ROBO1: variants seen among roughly 807,000 people sequenced by gnomAD.
ROBO1 encodes the protein roundabout homolog 1.
A neutral mutation model predicts 195.9 loss-of-function variants in ROBO1; 149 were observed. That is an observed-to-expected ratio of 0.76 (90% CI 0.67 to 0.87). ROBO1 has a LOEUF of 0.87. Ranked by LOEUF, ROBO1 falls within the 40% of genes least tolerant of loss-of-function variation. The pLI, the probability that ROBO1 is intolerant of heterozygous loss-of-function variation, is 0.00. For missense variants in ROBO1, 1,933 were observed against 2,068.3 expected (o/e 0.93, Z 1.27); for synonymous variants, 816 against 733.2 (o/e 1.11, Z -1.82).
chr3:79,410,257 C>T (rs1559878732), intron 2 of ROBO1, among the ~76,000 whole-genome samples: 1 of 152,044 alleles, frequency 6.6e-6, no homozygotes, highest in Non-Finnish European at 1.5e-5. Context: ...TATAGACTTT[C>T]AGGCAAAACA....
At chr3:79,284,617 C>T (rs2031767292) in intron 2 of ROBO1, among the ~76,000 whole-genome samples, 1 of 152,016 alleles carries the variant, frequency 6.6e-6, no homozygotes, top group Admixed American at 6.6e-5. Flanking sequence ...AATGATTATT[C>T]TGAAAAGGAG....
At chr3:78,993,596 G>A (rs1280280151) in intron 3 of ROBO1, among the ~76,000 whole-genome samples, 2 of 152,112 alleles carry the variant, frequency 1.3e-5, no homozygotes, top group Non-Finnish European at 2.9e-5. Flanking sequence ...TTGCATTTCC[G>A]CCATGACCTC....
At chr3:79,377,768 T>C (rs992814537) in intron 2 of ROBO1, among the ~76,000 whole-genome samples, 6 of 152,204 alleles carry the variant, frequency 3.9e-5, no homozygotes, top group Admixed American at 2.0e-4. Context: ...GCTCATGTTT[T>C]GTGCATTCCA....
At chr3:78,601,471 T>TGAC (rs1263499814) in intron 29 of ROBO1, among the ~76,000 whole-genome samples, 1 of 152,190 alleles carries the variant, frequency 6.6e-6, no homozygotes, top group African/African-American at 2.4e-5. Flanking sequence ...TCCATGAGGA[T>TGAC]GACTGTTTCT....
At chr3:78,677,442 A>C (rs1399998520) in intron 10 of ROBO1, among the ~76,000 whole-genome samples, 1 of 152,160 alleles carries the variant, frequency 6.6e-6, no homozygotes, top group African/African-American at 2.4e-5. Flanking sequence ...TCACATGCAG[A>C]GACACACACA....
At chr3:79,024,915 C>G (rs1419324198) in intron 3 of ROBO1, among the ~76,000 whole-genome samples, 1 of 152,134 alleles carries the variant, frequency 6.6e-6, no homozygotes, top group African/African-American at 2.4e-5. Flanking sequence ...CTTCATAGAG[C>G]AGTCAGAGGG....
intron 1 of ROBO1, among the ~76,000 whole-genome samples, chr3:79,672,566 T>G (rs984552859): frequency 6.6e-6 from 1 of 152,090 alleles, no homozygotes; most frequent in Non-Finnish European, 1.5e-5. Flanking sequence ...ACTCTTATTT[T>G]TTAGTTAGAA....
intron 2 of ROBO1, among the ~76,000 whole-genome samples, chr3:79,356,679 A>G (rs547935771): frequency 1.3e-5 from 2 of 152,198 alleles, no homozygotes; most frequent in African/African-American, 4.8e-5. Context: ...CCTTTTATTT[A>G]TGTCATTGAA....
At chr3:79,579,254 A>C (rs1943586017) in intron 2 of ROBO1, among the ~76,000 whole-genome samples, 1 of 152,168 alleles carries the variant, frequency 6.6e-6, no homozygotes, top group African/African-American at 2.4e-5. Flanking sequence ...GTATAATTGA[A>C]AATTGTCGGT....
At chr3:78,678,500 C>A (rs1708580748) in intron 10 of ROBO1, among the ~76,000 whole-genome samples, 1 of 152,134 alleles carries the variant, frequency 6.6e-6, no homozygotes, top group African/African-American at 2.4e-5. Flanking sequence ...GATATCACCA[C>A]CAATCCCACA....
At chr3:79,159,181 A>G (rs1225421891) in intron 2 of ROBO1, among the ~76,000 whole-genome samples, 1 of 151,970 alleles carries the variant, frequency 6.6e-6, no homozygotes, top group Non-Finnish European at 1.5e-5. Flanking sequence ...TTAGTAAGTG[A>G]TTTGGCCTCT....
chr3:78,874,118 T>C (rs1437068592), intron 4 of ROBO1, among the ~76,000 whole-genome samples: 2 of 151,914 alleles, frequency 1.3e-5, no homozygotes, highest in African/African-American at 2.4e-5. Context: ...AACAATATAT[T>C]GAATCAGATT....
chr3:78,789,569 A>G (rs1216223262), intron 4 of ROBO1, among the ~76,000 whole-genome samples: 1 of 152,134 alleles, frequency 6.6e-6, no homozygotes. Flanking sequence ...GAAATCCTGT[A>G]TGTTCTGTTT....
At chr3:79,606,051 T>TATATATATAC (rs1160717630) in intron 1 of ROBO1, among the ~76,000 whole-genome samples, 16 of 151,186 alleles carry the variant, frequency 1.1e-4, no homozygotes, top group Admixed American at 3.3e-4. Context: ...TATATATATA[T>TATATATATAC]ACACCCATTT....
rs193037456 is a variant in ROBO1 at position 79,115,713 on chromosome 3, C to A, written c.172+9743G>T. 3.7e-3 allele frequency among the ~76,000 whole-genome samples: 567 copies of A among 152,240 alleles called. 2 individuals carry two copies. The highest frequency in any genetic ancestry group is 6.5e-3 in the Non-Finnish European group (444 of 68,022). On this transcript the variant is annotated intron_variant, in intron 3 of 30. Transcript: ENST00000464233. ...TTTGTGGCCAAATAATTATATTGAA[C>A]TCCTTTCACCATGGAAAAGAAACAA...
At chr3:79,586,423 C>T (rs923725173) in intron 2 of ROBO1, among the ~76,000 whole-genome samples, 1 of 151,776 alleles carries the variant, frequency 6.6e-6, no homozygotes, top group African/African-American at 2.4e-5. Flanking sequence ...TTTCACACTC[C>T]AGGCTTGTTG....
intron 2 of ROBO1, among the ~76,000 whole-genome samples, chr3:79,291,393 G>A (rs2032238998): frequency 6.6e-6 from 1 of 150,872 alleles, no homozygotes; most frequent in African/African-American, 2.4e-5. Context: ...TGTTATTTAT[G>A]AAATAACACT....
At chr3:79,089,149 A>G (rs1319302210) in intron 3 of ROBO1, among the ~76,000 whole-genome samples, 5 of 152,158 alleles carry the variant, frequency 3.3e-5, no homozygotes, top group Admixed American at 3.3e-4. Flanking sequence ...CTACAACCTT[A>G]TCTGAATTTC....
At chr3:79,439,729 CTA>C (rs1278134595) in intron 2 of ROBO1, among the ~76,000 whole-genome samples, 11 of 152,206 alleles carry the variant, frequency 7.2e-5, no homozygotes, top group Non-Finnish European at 1.6e-4. Flanking sequence ...TAATGTAAAT[CTA>C]TTTTCTTTGA....
Sources: allele counts gnomAD v4.1 joint callset (sites outside exome capture counted in the v4.1 genomes callset), GRCh38; gene constraint gnomAD v4.1.1; transcripts MANE v1.5; gene names NCBI Gene and HGNC (gene_info 2026-07-23, HGNC 2026-07-21).